The following TIMM23 variants were observed in gnomAD, a reference collection of about 807,000 sequenced individuals.
TIMM23 encodes the protein mitochondrial import inner membrane translocase subunit Tim23.
A neutral mutation model predicts 30.7 loss-of-function variants in TIMM23; 19 were observed. The ratio of observed to expected loss-of-function variants is 0.62; its 90% CI spans 0.43 to 0.91. TIMM23 has a LOEUF of 0.91. TIMM23 is among the 40% of genes least tolerant of loss of function. The pLI, the probability that TIMM23 is intolerant of heterozygous loss-of-function variation, is 0.00. For synonymous variants in TIMM23, 78 were observed against 98.5 expected, an observed-to-expected ratio of 0.79 and a Z score of 1.23; for missense variants, 202 against 269.2, an observed-to-expected ratio of 0.75 and a Z score of 1.75.
In TIMM23 at chr10:45,986,244, T is replaced by G. The variant is rs1262649596; in HGVS notation, c.403+803T>G. ...AAGCTAGTTTTCACACTTTGGATCC[T>G]AAGAGATGGCTGCTTTCATATGTTG... On this transcript the variant is annotated intron_variant, in intron 5 of 6. Coordinates refer to ENST00000580018, the MANE Select transcript of TIMM23 (RefSeq NM_006327.4). Among the ~76,000 whole-genome samples, 144 of 152,268 alleles carry G rather than the reference T, an allele frequency of 9.5e-4. 1 individual carries two copies. The highest frequency in any genetic ancestry group is 3.2e-3 in the African/African-American group (133 of 41,570).
At chr10:45,999,412 G>A (rs1838451410) in intron 6 of TIMM23, among the ~76,000 whole-genome samples, 1 of 152,044 alleles carries the variant, frequency 6.6e-6, no homozygotes, top group Admixed American at 6.6e-5. Flanking sequence ...AGAAATAAAG[G>A]GACAGGGTAC....
intron 4 of TIMM23, 97 bp from the exon 5 acceptor site, chr10:45,985,286 C>T (rs1465293317): frequency 0.014 from 20,357 of 1,436,532 alleles, 207 homozygotes; most frequent in Middle Eastern, 0.02. Context: ...ACTTTGCGCC[C>T]TGGGTCTAGA....
intron 5 of TIMM23, among the ~76,000 whole-genome samples, chr10:45,985,996 T>A (rs1837978490): frequency 6.6e-6 from 1 of 152,216 alleles, no homozygotes; most frequent in African/African-American, 2.4e-5. Context: ...CCATATTGTT[T>A]ATGAATGATT....
At chr10:45,993,849 T>A (rs1838245389) in intron 6 of TIMM23, among the ~76,000 whole-genome samples, 1 of 148,102 alleles carries the variant, frequency 6.8e-6, no homozygotes, top group Admixed American at 6.7e-5. Context: ...TGAGATGAAA[T>A]GGGATGAAAT....
At chr10:45,975,246 CCAGT>C (rs1159147792) in intron 1 of TIMM23, among the ~76,000 whole-genome samples, 1 of 152,132 alleles carries the variant, frequency 6.6e-6, no homozygotes, top group Non-Finnish European at 1.5e-5. Context: ...GCCTGAGCCA[CCAGT>C]GGAAGACCTG....
chr10:45,984,543 T>C (rs2132257828), intron 4 of TIMM23: 1 of 152,820 alleles, frequency 6.5e-6, no homozygotes, highest in South Asian at 2.0e-4. Context: ...TGTAGAACAT[T>C]AATTGAGTCG....
At chr10:45,992,901 C>T (rs1375797718) in intron 6 of TIMM23, among the ~76,000 whole-genome samples, 4 of 152,092 alleles carry the variant, frequency 2.6e-5, no homozygotes, top group Non-Finnish European at 5.9e-5. Context: ...TAATTTGCTC[C>T]CTTGCCACTT....
chr10:45,976,690 A>G (rs1564903170), intron 2 of TIMM23, among the ~76,000 whole-genome samples: 2 of 152,060 alleles, frequency 1.3e-5, no homozygotes, highest in Admixed American at 6.5e-5. Flanking sequence ...AGCTAACATA[A>G]TTTAATGGTG....
At chr10:45,998,736 C>T (rs2132283438) in intron 6 of TIMM23, among the ~76,000 whole-genome samples, 1 of 151,646 alleles carries the variant, frequency 6.6e-6, no homozygotes, top group East Asian at 1.9e-4. Flanking sequence ...GAAGTAACTT[C>T]ATCGATTTGA....
intron 6 of TIMM23, among the ~76,000 whole-genome samples, chr10:46,001,698 G>A (rs1838544006): frequency 6.6e-6 from 1 of 152,096 alleles, no homozygotes. Flanking sequence ...ATACACTCTA[G>A]GTACAAAGAT....
rs1282854490 is a variant in TIMM23 at position 45,972,567 on chromosome 10, C to T, written c.-58C>T. On this transcript the variant is annotated 5_prime_UTR_variant, in exon 1 of 7. Transcript: ENST00000580018. ...CCCGCTGTTATTGAGGAGTAACGGC[C>T]CAGCGGACCACCCAGGCTTGAGGCA... 6.3e-7 allele frequency: 1 copy of T among 1,578,924 alleles called. No homozygotes were observed. The highest frequency in any genetic ancestry group is 8.6e-7 in the Non-Finnish European group (1 of 1,160,844).
intron 5 of TIMM23, among the ~76,000 whole-genome samples, chr10:45,985,974 T>A (rs61849531): frequency 6.6e-6 from 1 of 152,222 alleles, no homozygotes; most frequent in South Asian, 2.1e-4. Flanking sequence ...GTCAGAGCCT[T>A]ATGCTTTCAT....
intron 6 of TIMM23, chr10:45,990,744 A>G (rs1485589191): frequency 2.5e-6 from 1 of 406,380 alleles, no homozygotes; most frequent in African/African-American, 2.1e-5. Flanking sequence ...ATTATTTTTT[A>G]TTTTCATGTT....
chr10:45,979,756 A>G (rs1837789906), intron 2 of TIMM23, among the ~76,000 whole-genome samples: 1 of 151,802 alleles, frequency 6.6e-6, no homozygotes, highest in African/African-American at 2.4e-5. Context: ...GACCTTGCCA[A>G]TTTAAAGCTT....
At position 45,994,462 on chromosome 10, in the gene TIMM23, C is replaced by CT. The variant is rs1327781387; in HGVS notation, c.514+5624dup. Among the ~76,000 whole-genome samples the CT allele has an allele frequency of 3.3e-3, 417 of 125,104 alleles. 4 individuals carry two copies. The highest frequency in any genetic ancestry group is 0.013 in the East Asian group (55 of 4,374). The allele number at this position is 125,104 out of a possible 152,430, so 82.1% of individuals were successfully genotyped here. A position where few individuals can be genotyped will look rare whatever the true frequency, so the allele number is the denominator to read the frequency against. On this transcript the variant is annotated intron_variant, in intron 6 of 6. Coordinates refer to ENST00000580018, the MANE Select transcript of TIMM23 (RefSeq NM_006327.4). ...CTGTACCTACTATGTTGAGCCCTTC[C>CT]TTTTTTTTTGACAGGGTCTCAGACT...
chr10:45,978,795 C>G (rs1171999799), intron 2 of TIMM23, among the ~76,000 whole-genome samples: 1 of 151,924 alleles, frequency 6.6e-6, no homozygotes, highest in Non-Finnish European at 1.5e-5. Context: ...ATACTCCATA[C>G]TCAAGAGAAT....
At chr10:45,986,880 T>A (rs1214834529) in intron 5 of TIMM23, among the ~76,000 whole-genome samples, 1 of 152,032 alleles carries the variant, frequency 6.6e-6, no homozygotes, top group African/African-American at 2.4e-5. Flanking sequence ...TAAATGAAAA[T>A]TTTAAATATT....
chr10:45,976,708 GA>G (rs1837683899), intron 2 of TIMM23, among the ~76,000 whole-genome samples: 1 of 152,044 alleles, frequency 6.6e-6, no homozygotes, highest in Admixed American at 6.6e-5. Context: ...GTGAAAGACT[GA>G]ATGCCTTCTC....
intron 5 of TIMM23, among the ~76,000 whole-genome samples, chr10:45,987,704 C>G (rs1554914973): frequency 7.1e-6 from 1 of 140,828 alleles, no homozygotes; most frequent in East Asian, 2.2e-4. Context: ...ACCTAGACTT[C>G]TGGGCTTAAG....
Sources: allele counts gnomAD v4.1 joint callset (sites outside exome capture counted in the v4.1 genomes callset), GRCh38; gene constraint gnomAD v4.1.1; transcripts MANE v1.5; gene names NCBI Gene and HGNC (gene_info 2026-07-23, HGNC 2026-07-21).